The following LRRIQ1 variants were observed in gnomAD, a reference collection of about 807,000 sequenced individuals.
The protein encoded by LRRIQ1 is leucine rich repeats and IQ motif containing 1.
Under a neutral mutation model 211.9 loss-of-function variants are expected in LRRIQ1, and 210 were observed. The observed-to-expected ratio is 0.99, with a 90% CI of 0.89 to 1.11. The LOEUF is 1.11. Ranked by LOEUF, LRRIQ1 falls within the 50% of genes most tolerant of loss-of-function variation. The probability of loss-of-function intolerance (pLI) is 0.00; values close to 1 mark genes in which losing one functional copy is unlikely to be tolerated. For synonymous variants in LRRIQ1, 699 were observed against 650.1 expected (o/e 1.08, Z -1.14); for missense variants, 2,136 against 1,939.5 (o/e 1.10, Z -1.90).
intron 15 of LRRIQ1, among the ~76,000 whole-genome samples, chr12:85,109,973 T>C (rs1887055939): frequency 1.3e-5 from 2 of 152,068 alleles, no homozygotes; most frequent in Admixed American, 1.3e-4. Flanking sequence ...TAACTTAACT[T>C]TTTTATGTCT....
chr12:85,268,931 A>G (rs1341694100), downstream of LRRIQ1, among the ~76,000 whole-genome samples: 1 of 152,010 alleles, frequency 6.6e-6, no homozygotes, highest in Non-Finnish European at 1.5e-5. Flanking sequence ...GGGATTAAAA[A>G]AATGTTTTGG....
At chr12:85,165,623 C>A (rs945144418) in intron 24 of LRRIQ1, among the ~76,000 whole-genome samples, 2 of 151,820 alleles carry the variant, frequency 1.3e-5, no homozygotes, top group Non-Finnish European at 2.9e-5. Context: ...CAGGCACACG[C>A]CACCACGCCC....
intron 18 of LRRIQ1, among the ~76,000 whole-genome samples, chr12:85,131,927 C>T (rs1481177390): frequency 6.6e-6 from 1 of 152,076 alleles, no homozygotes; most frequent in Non-Finnish European, 1.5e-5. Flanking sequence ...ATTACTTACC[C>T]ACATGTTTAC....
Position 85,066,427 on chromosome 12 carries a change from C to T in LRRIQ1, c.2545-321C>T, listed in dbSNP as rs571910855. On this transcript the variant is annotated intron_variant, in intron 9 of 26. Transcript: ENST00000393217. ...ACAGGGCCTGATTAACAACAATAGCCGTTCTCATTCAAGATGAGAGAGACA... is the reference window on the plus strand; with the variant it reads ...ACAGGGCCTGATTAACAACAATAGCTGTTCTCATTCAAGATGAGAGAGACA... 3.3e-5 allele frequency among the ~76,000 whole-genome samples: 5 copies of T among 151,854 alleles called. No individual in the cohort carries two copies. In the East Asian group the frequency reaches 5.8e-4, roughly 18 times the overall value.
At chr12:85,247,339 A>T (rs2137286958), downstream of LRRIQ1, among the ~76,000 whole-genome samples, 1 of 151,758 alleles carries the variant, frequency 6.6e-6, no homozygotes, top group South Asian at 2.1e-4. Context: ...AGCTATTAAT[A>T]AAATATTTCT....
At chr12:85,106,121 AG>A (rs1323847425) in intron 14 of LRRIQ1, among the ~76,000 whole-genome samples, 1 of 152,082 alleles carries the variant, frequency 6.6e-6, no homozygotes, top group Non-Finnish European at 1.5e-5. Flanking sequence ...TAAGGTAAAA[AG>A]GTCCATGCAA....
chr12:85,250,962 T>TTA (rs1555230711), intron 1 of LRRIQ1, among the ~76,000 whole-genome samples: 3 of 81,002 alleles, frequency 3.7e-5, no homozygotes, highest in Non-Finnish European at 7.2e-5. Flanking sequence ...ATATTATATA[T>TTA]TATATTATAT....
At position 85,056,474 on chromosome 12, in the gene LRRIQ1, C is replaced by G. The variant is rs1881088193; in HGVS notation, c.1681C>G (p.Gln561Glu). 6.2e-7 allele frequency: 1 copy of G among 1,610,038 alleles called. No homozygotes were observed. ...AACCCAGATAATATTAGGACATAAC[C>G]AAGAAATCAGTGAGGTGAAAACCAA... ...QKTQIILGHN[Q>E]EISEVKTNEE... Residue 561 changes from glutamine to glutamate, a missense_variant, in exon 8 of 27, where the codon CAA becomes GAA. Coordinates refer to ENST00000393217, the MANE Select transcript of LRRIQ1 (RefSeq NM_001079910.2).
chr12:85,209,696 A>G (rs962855623), intron 24 of LRRIQ1, among the ~76,000 whole-genome samples: 2 of 152,296 alleles, frequency 1.3e-5, no homozygotes, highest in Middle Eastern at 3.4e-3. Flanking sequence ...TTTATTCTTA[A>G]TATTTTGAGG....
At chr12:85,047,217 T>C (rs1040700091) in intron 5 of LRRIQ1, 30 bp from the exon 6 acceptor site, 9 of 1,494,966 alleles carry the variant, frequency 6.0e-6, no homozygotes, top group Non-Finnish European at 8.1e-6. Flanking sequence ...ATCTTACAAA[T>C]GATGATGTTA....
chr12:85,104,982 T>C (rs1213171978), intron 14 of LRRIQ1, among the ~76,000 whole-genome samples: 1 of 152,150 alleles, frequency 6.6e-6, no homozygotes, highest in Non-Finnish European at 1.5e-5. Context: ...TTAGTTTGCA[T>C]TGACCTGATG....
At chr12:85,142,020 AATTT>A (rs1221227717) in intron 19 of LRRIQ1, among the ~76,000 whole-genome samples, 1 of 151,218 alleles carries the variant, frequency 6.6e-6, no homozygotes. Context: ...ATTGCTTGAA[AATTT>A]ATTTCTTTTT....
At chr12:85,094,714 A>G (rs188739844) in intron 11 of LRRIQ1, among the ~76,000 whole-genome samples, 8 of 152,284 alleles carry the variant, frequency 5.3e-5, no homozygotes, top group Admixed American at 5.2e-4. Flanking sequence ...CAGTATGGCC[A>G]TGTTAATGAT....
chr12:85,199,234 T>A (rs1489197354), intron 24 of LRRIQ1, among the ~76,000 whole-genome samples: 1 of 152,164 alleles, frequency 6.6e-6, no homozygotes, highest in African/African-American at 2.4e-5. Flanking sequence ...TCTAGGGTTT[T>A]TATAGTTTTA....
At chr12:85,039,418 G>A (rs1218437963) in intron 2 of LRRIQ1, among the ~76,000 whole-genome samples, 2 of 151,470 alleles carry the variant, frequency 1.3e-5, no homozygotes, top group East Asian at 3.9e-4. Flanking sequence ...AGTTAAACAA[G>A]AAATAGAAAT....
At chr12:85,179,208 A>G (rs1891864598) in intron 24 of LRRIQ1, among the ~76,000 whole-genome samples, 1 of 151,912 alleles carries the variant, frequency 6.6e-6, no homozygotes, top group Non-Finnish European at 1.5e-5. Context: ...CTTAATTTAG[A>G]AAGTCAGAAT....
chr12:85,249,415 G>A (rs190987230), downstream of LRRIQ1, among the ~76,000 whole-genome samples: 330 of 151,926 alleles, frequency 2.2e-3, 2 homozygotes, highest in African/African-American at 7.8e-3. Flanking sequence ...GGAAATAAAT[G>A]TGTGTGTCTG....
intron 26 of LRRIQ1, among the ~76,000 whole-genome samples, chr12:85,236,843 A>ATATATATATATATATATC (rs1555228712): frequency 6.9e-6 from 1 of 144,828 alleles, no homozygotes; most frequent in African/African-American, 2.6e-5. Flanking sequence ...ATATATATAT[A>ATATATATATATATATATC]TATATATATA....
intron 24 of LRRIQ1, among the ~76,000 whole-genome samples, chr12:85,202,920 T>C (rs960285438): frequency 6.6e-6 from 1 of 152,198 alleles, no homozygotes; most frequent in Non-Finnish European, 1.5e-5. Flanking sequence ...TGGCCAGTAA[T>C]GGTTTTTCCT....
Sources: allele counts gnomAD v4.1 joint callset (sites outside exome capture counted in the v4.1 genomes callset), GRCh38; gene constraint gnomAD v4.1.1; transcripts MANE v1.5; gene names NCBI Gene and HGNC (gene_info 2026-07-23, HGNC 2026-07-21).